The following NEBL variants were observed in gnomAD, a reference collection of about 807,000 sequenced individuals.
NEBL encodes the protein LIM and SH3 protein 2.
Under a neutral mutation model 140.2 loss-of-function variants are expected in NEBL, and 122 were observed. The ratio of observed to expected loss-of-function variants is 0.87; its 90% CI spans 0.75 to 1.01. NEBL has a LOEUF of 1.01. NEBL is among the 50% of genes least tolerant of loss of function. The pLI is 0.00. For synonymous variants in NEBL, 436 were observed against 398.9 expected, an observed-to-expected ratio of 1.09 and a Z score of -1.11; for missense variants, 1,365 against 1,231.3, an observed-to-expected ratio of 1.11 and a Z score of -1.62.
At chr10:20,969,822 G>A (rs1259632570) in intron 3 of NEBL, among the ~76,000 whole-genome samples, 2 of 151,908 alleles carry the variant, frequency 1.3e-5, no homozygotes, top group Non-Finnish European at 2.9e-5. Context: ...TGAGATTCCA[G>A]GTGTGAGCCA....
chr10:21,258,645 C>T (rs972051738), intron 1 of NEBL, among the ~76,000 whole-genome samples: 3 of 152,002 alleles, frequency 2.0e-5, no homozygotes, highest in African/African-American at 7.2e-5. Context: ...ACGGAGGTTG[C>T]AGTGAGCTGA....
intron 2 of NEBL, among the ~76,000 whole-genome samples, chr10:21,120,389 A>ATACAT (rs1554826387): frequency 1.7e-4 from 11 of 63,022 alleles, no homozygotes; most frequent in African/African-American, 1.2e-3. Flanking sequence ...AAAAAAAAAA[A>ATACAT]ATACATATAT....
chr10:20,870,251 G>A (rs1017867099), intron 5 of NEBL, among the ~76,000 whole-genome samples: 5 of 148,922 alleles, frequency 3.4e-5, no homozygotes, highest in Middle Eastern at 3.2e-3. Flanking sequence ...GCTCAAACCC[G>A]AGAGGCAGAG....
At chr10:21,030,209 C>T in intron 2 of NEBL, 1 of 512,704 alleles carries the variant, frequency 2.0e-6, no homozygotes, top group Non-Finnish European at 3.7e-6. Context: ...ATGACGGCCT[C>T]GGGAGAGACA....
chr10:21,262,135 T>C (rs1416774449), intron 1 of NEBL, among the ~76,000 whole-genome samples: 1 of 152,174 alleles, frequency 6.6e-6, no homozygotes, highest in Non-Finnish European at 1.5e-5. Flanking sequence ...CTGGCTTAGC[T>C]GGCAAATTGC....
At chr10:21,031,378 G>C (rs1443670621) in intron 2 of NEBL, among the ~76,000 whole-genome samples, 2 of 152,114 alleles carry the variant, frequency 1.3e-5, no homozygotes, top group East Asian at 3.9e-4. Context: ...GGAACAACAG[G>C]AACAAACACA....
chr10:21,002,449 A>G (rs1486516131), intron 3 of NEBL, among the ~76,000 whole-genome samples: 1 of 152,220 alleles, frequency 6.6e-6, no homozygotes, highest in Non-Finnish European at 1.5e-5. Context: ...TTTGTATTTT[A>G]TTACAGAAAT....
chr10:21,046,251 GGT>G (rs1223828195), intron 2 of NEBL, among the ~76,000 whole-genome samples: 1 of 152,208 alleles, frequency 6.6e-6, no homozygotes, highest in African/African-American at 2.4e-5. Flanking sequence ...GGGAGATGTT[GGT>G]TGATGGGTAC....
At chr10:21,222,311 G>C (rs929761596) in intron 3 of NEBL, among the ~76,000 whole-genome samples, 33 of 149,394 alleles carry the variant, frequency 2.2e-4, no homozygotes, top group African/African-American at 7.6e-4. Flanking sequence ...GTAATGATTT[G>C]AAACTAGGTT....
At chr10:20,947,227 T>A (rs1835212474) in intron 4 of NEBL, among the ~76,000 whole-genome samples, 1 of 152,218 alleles carries the variant, frequency 6.6e-6, no homozygotes, top group Admixed American at 6.5e-5. Flanking sequence ...GAGGTCAGAA[T>A]GCCTCGGTGC....
At chr10:21,149,011 G>C (rs1204586164) in intron 2 of NEBL, among the ~76,000 whole-genome samples, 1 of 152,214 alleles carries the variant, frequency 6.6e-6, no homozygotes, top group Non-Finnish European at 1.5e-5. Context: ...ATCCTGCACA[G>C]AGAGCCCAAG....
intron 1 of NEBL, among the ~76,000 whole-genome samples, chr10:21,292,463 T>C (rs530609793): frequency 6.6e-6 from 1 of 152,270 alleles, no homozygotes; most frequent in South Asian, 2.1e-4. Flanking sequence ...ATGGCTGGGG[T>C]TGAAATAAAT....
Position 21,169,070 on chromosome 10 carries a change from ATATATATATAT to A in NEBL, c.164+3302_164+3312del, listed in dbSNP as rs1564534608. ...TCTACAAAAAAAAAAAAAAAAAAATATATATATATATATATATATATATATATATATATATA... is the reference window on the plus strand; with the variant it reads ...TCTACAAAAAAAAAAAAAAAAAAATAATATATATATATATATATATATATA... On this transcript the variant is annotated intron_variant, in intron 2 of 6. Coordinates refer to the NEBL transcript ENST00000417816. Among the ~76,000 whole-genome samples, 326 of 44,172 alleles carry A rather than the reference ATATATATATAT, an allele frequency of 7.4e-3. 14 individuals carry two copies. The highest frequency in any genetic ancestry group is 0.057 in the East Asian group (81 of 1,414). The allele number at this position is 44,172 out of a possible 152,430, so 29.0% of individuals were successfully genotyped here. A position where few individuals can be genotyped will look rare whatever the true frequency, so the allele number is the denominator to read the frequency against.
chr10:21,197,709 G>C (rs1200222635), intron 3 of NEBL, among the ~76,000 whole-genome samples: 2 of 152,114 alleles, frequency 1.3e-5, no homozygotes, highest in African/African-American at 4.8e-5. Context: ...TCCCTTTACA[G>C]CTCCATAGAT....
chr10:21,006,366 C>CT, intron 3 of NEBL, among the ~76,000 whole-genome samples: 1 of 152,132 alleles, frequency 6.6e-6, no homozygotes, highest in Admixed American at 6.5e-5. Flanking sequence ...TGCTAGATTG[C>CT]TTTTTTTAAG....
At chr10:21,113,300 A>AAAAAAAAAAAAAAC (rs1838128206) in intron 2 of NEBL, 1 of 334,266 alleles carries the variant, frequency 3.0e-6, no homozygotes, top group African/African-American at 2.3e-5. Context: ...TAAAAAAAAA[A>AAAAAAAAAAAAAAC]AAAAAACCAG....
intron 3 of NEBL, among the ~76,000 whole-genome samples, chr10:21,234,571 C>T (rs72798602): frequency 0.04 from 6,132 of 152,194 alleles, 193 homozygotes; most frequent in South Asian, 0.14. Flanking sequence ...CTCAGGTGTT[C>T]CTTTAGAGCA....
chr10:20,805,797 G>A (rs1564339781), intron 26 of NEBL, among the ~76,000 whole-genome samples: 1 of 151,872 alleles, frequency 6.6e-6, no homozygotes, highest in South Asian at 2.1e-4. Flanking sequence ...AGGTTGCAGT[G>A]AGCCAAGATC....
intron 3 of NEBL, 62 bp downstream of exon 3, chr10:20,889,783 T>C: frequency 9.9e-7 from 1 of 1,008,714 alleles, no homozygotes; most frequent in Non-Finnish European, 1.6e-6. Context: ...ATGCACAGAC[T>C]TTCATCTATA....
Sources: gnomAD v4.1 joint callset for allele counts (sites outside exome capture counted in the v4.1 genomes callset) on GRCh38, gnomAD v4.1.1 for gene constraint, MANE v1.5 for transcripts, NCBI Gene and HGNC (gene_info 2026-07-23, HGNC 2026-07-21) for gene names.